Variants in SLC24A3 observed in about 807,000 individuals in gnomAD.
The protein encoded by SLC24A3 is sodium/potassium/calcium exchanger 3.
Under a neutral mutation model 75.8 loss-of-function variants are expected in SLC24A3, and 28 were observed. The ratio of observed to expected loss-of-function variants is 0.37; its 90% CI spans 0.27 to 0.51. The LOEUF is 0.51. Ranked by LOEUF, SLC24A3 falls within the 20% of genes least tolerant of loss-of-function variation. SLC24A3 has a pLI of 0.94. For missense variants in SLC24A3, 663 were observed against 847.8 expected, an observed-to-expected ratio of 0.78 and a Z score of 2.71; for synonymous variants, 372 against 334.1, an observed-to-expected ratio of 1.11 and a Z score of -1.24.
At position 19,522,843 on chromosome 20, in the gene SLC24A3, G is replaced by A. The variant is rs150916684; in HGVS notation, c.348+7279G>A. 7.0e-3 allele frequency among the ~76,000 whole-genome samples: 1,059 copies of A among 151,882 alleles called. 11 individuals carry two copies. Among genetic ancestry groups the A allele is most frequent in the African/African-American group, 0.025 (1,028 of 41,386 alleles). ...CATCTATATTTATGGGGTATAATGT[G>A]ATGTTGTAATTACATTGTAGAATAA... On this transcript the variant is annotated intron_variant, in intron 3 of 16. Transcript: ENST00000328041.
intron 2 of SLC24A3, among the ~76,000 whole-genome samples, chr20:19,294,562 T>C (rs775789193): frequency 5.9e-5 from 9 of 152,214 alleles, no homozygotes; most frequent in Non-Finnish European, 8.8e-5. Flanking sequence ...ATTAGTTTTC[T>C]GAGGATAATG....
intron 2 of SLC24A3, among the ~76,000 whole-genome samples, chr20:19,316,188 G>A (rs74642605): frequency 1.9e-4 from 29 of 152,252 alleles, no homozygotes; most frequent in African/African-American, 4.1e-4. Context: ...ACTTTCTACC[G>A]TCACAAAGTG....
intron 2 of SLC24A3, among the ~76,000 whole-genome samples, chr20:19,404,399 T>C (rs777942094): frequency 6.6e-6 from 1 of 152,152 alleles, no homozygotes; most frequent in Admixed American, 6.5e-5. Context: ...CCACTTGTCA[T>C]GGGGGTGTAG....
intron 2 of SLC24A3, among the ~76,000 whole-genome samples, chr20:19,497,565 G>T (rs1200647112): frequency 7.4e-5 from 1 of 13,604 alleles, no homozygotes; most frequent in African/African-American, 9.0e-4. Context: ...ACAAGGTTAG[G>T]GTTTGCACAT....
At chr20:19,239,112 G>T (rs1406456389) in intron 1 of SLC24A3, among the ~76,000 whole-genome samples, 1 of 123,896 alleles carries the variant, frequency 8.1e-6, no homozygotes, top group Admixed American at 9.3e-5. Context: ...TTTGAGAAAA[G>T]CTTATTTTAA....
chr20:19,239,615 A>G (rs1388533575), intron 1 of SLC24A3, among the ~76,000 whole-genome samples: 1 of 152,228 alleles, frequency 6.6e-6, no homozygotes, highest in African/African-American at 2.4e-5. Flanking sequence ...GGTGTGGCAG[A>G]GGAGCTTGGA....
chr20:19,217,243 A>G (rs1379521975), intron 1 of SLC24A3, among the ~76,000 whole-genome samples: 1 of 152,246 alleles, frequency 6.6e-6, no homozygotes, highest in Non-Finnish European at 1.5e-5. Context: ...GGAGAAGGGC[A>G]TAGATACCAG....
At chr20:19,618,772 C>T (rs964399946) in intron 6 of SLC24A3, among the ~76,000 whole-genome samples, 1 of 152,186 alleles carries the variant, frequency 6.6e-6, no homozygotes, top group South Asian at 2.1e-4. Context: ...TGATCTAAAA[C>T]AGTGTTGGGA....
intron 1 of SLC24A3, among the ~76,000 whole-genome samples, chr20:19,226,891 A>C (rs1412853719): frequency 6.6e-6 from 1 of 152,190 alleles, no homozygotes; most frequent in Non-Finnish European, 1.5e-5. Flanking sequence ...TCAGGGTTCC[A>C]TTTGAGATCC....
At chr20:19,543,084 C>A (rs994178926) in intron 3 of SLC24A3, among the ~76,000 whole-genome samples, 1 of 152,176 alleles carries the variant, frequency 6.6e-6, no homozygotes, top group Non-Finnish European at 1.5e-5. Context: ...TTATAATGAT[C>A]ATGGCCTTGT....
chr20:19,267,178 A>G (rs1172650038), intron 1 of SLC24A3, among the ~76,000 whole-genome samples: 1 of 152,184 alleles, frequency 6.6e-6, no homozygotes, highest in Non-Finnish European at 1.5e-5. Flanking sequence ...ATGATAGAAT[A>G]TATTTAACCA....
At chr20:19,222,454 G>C (rs1049310550) in intron 1 of SLC24A3, among the ~76,000 whole-genome samples, 2 of 152,062 alleles carry the variant, frequency 1.3e-5, no homozygotes, top group Non-Finnish European at 2.9e-5. Flanking sequence ...TATTTTATTG[G>C]GCAATGCTTC....
intron 13 of SLC24A3, among the ~76,000 whole-genome samples, chr20:19,696,033 T>TTTTTTTTTTTTG (rs35556026): frequency 6.8e-6 from 1 of 147,552 alleles, no homozygotes; most frequent in Admixed American, 6.8e-5. Context: ...TTTTTTTTTT[T>TTTTTTTTTTTTG]GTGAGACAGG....
chr20:19,502,496 G>A (rs1319889851), intron 2 of SLC24A3, among the ~76,000 whole-genome samples: 2 of 151,944 alleles, frequency 1.3e-5, no homozygotes, highest in Non-Finnish European at 2.9e-5. Context: ...AAGCCTATAG[G>A]GACCACATCT....
intron 3 of SLC24A3, among the ~76,000 whole-genome samples, chr20:19,546,173 A>AC (rs1193946397): frequency 1.3e-5 from 2 of 149,002 alleles, no homozygotes; most frequent in Non-Finnish European, 3.0e-5. Context: ...AAAAAAAAAA[A>AC]AAAAAAAAAA....
rs561340287 is a variant in SLC24A3, at chr20:19,434,477, A to T, written c.272-81011A>T. ...GCAGGAAGAACATTTCAATTCTGGA[A>T]AAAACAGAAAACTTTATAGAACCCT... is the stretch of plus-strand genomic sequence containing the variant. On this transcript the variant is annotated intron_variant, in intron 2 of 16. Transcript: ENST00000328041. 2.1e-4 allele frequency among the ~76,000 whole-genome samples: 32 copies of T among 152,354 alleles called. No individual in the cohort carries two copies. The South Asian group carries it at 6.4e-3, about 31-fold the overall frequency.
intron 2 of SLC24A3, among the ~76,000 whole-genome samples, chr20:19,499,155 C>T (rs536825093): frequency 6.2e-4 from 95 of 152,300 alleles, no homozygotes; most frequent in Admixed American, 7.8e-4. Context: ...GGCCGGTCAA[C>T]GCCTAAAAAT....
intron 10 of SLC24A3, among the ~76,000 whole-genome samples, chr20:19,683,708 G>C (rs576624344): frequency 1.8e-4 from 27 of 152,204 alleles, no homozygotes; most frequent in Non-Finnish European, 3.2e-4. Context: ...CCCCAGATCT[G>C]AATGGTGGGA....
At chr20:19,633,463 A>C (rs1325122373) in intron 6 of SLC24A3, among the ~76,000 whole-genome samples, 1 of 151,842 alleles carries the variant, frequency 6.6e-6, no homozygotes, top group African/African-American at 2.4e-5. Flanking sequence ...TCCCGGCTAA[A>C]CCGGTGAAAC....
Sources: allele counts gnomAD v4.1 joint callset (sites outside exome capture counted in the v4.1 genomes callset), GRCh38; gene constraint gnomAD v4.1.1; transcripts MANE v1.5; gene names NCBI Gene and HGNC (gene_info 2026-07-23, HGNC 2026-07-21).